Variants in SOX13 observed in about 807,000 individuals in gnomAD.
The protein encoded by SOX13 is transcription factor SOX-13.
SOX13 carries 28 observed loss-of-function variants against 71.8 expected under a neutral mutation model. That is an observed-to-expected ratio of 0.39 (90% CI 0.29 to 0.53). The LOEUF (loss-of-function observed/expected upper bound fraction) is 0.53. SOX13 is among the 20% of genes least tolerant of loss of function. The probability of loss-of-function intolerance (pLI) is 0.70; values close to 1 mark genes in which losing one functional copy is unlikely to be tolerated. For missense variants in SOX13, 627 were observed against 810.3 expected (o/e 0.77, Z 2.75); for synonymous variants, 309 against 317.8 (o/e 0.97, Z 0.29).
In SOX13 at chr1:204,080,992, A is replaced by C. The variant is rs143272996; in HGVS notation, c.-2+7281A>C. Among the ~76,000 whole-genome samples the C allele has an allele frequency of 4.1e-3, 628 of 151,450 alleles. 5 individuals carry two copies. Among genetic ancestry groups the C allele is most frequent in the African/African-American group, 0.015 (598 of 41,186 alleles). ...AATGGTGCCATCTCAGCTCACCGCA[A>C]CATCCGCCTCCCAGGTTCAAGCAAT... On this transcript the variant is annotated intron_variant, in intron 1 of 13. Transcript: ENST00000367204.
At chr1:204,091,513 G>A (rs1266537220) in intron 1 of SOX13, among the ~76,000 whole-genome samples, 1 of 152,186 alleles carries the variant, frequency 6.6e-6, no homozygotes, top group African/African-American at 2.4e-5. Context: ...AAGGCTAGGG[G>A]TGAGGGGATC....
At chr1:204,095,973 T>C (rs891239225) in intron 1 of SOX13, among the ~76,000 whole-genome samples, 1 of 152,190 alleles carries the variant, frequency 6.6e-6, no homozygotes, top group African/African-American at 2.4e-5. Flanking sequence ...TCTTCAATAT[T>C]TGTCTACATC....
chr1:204,114,759 G>A lies in SOX13; in HGVS notation c.418+154G>A, dbSNP rs1277123397. On this transcript the variant is annotated intron_variant, in intron 4 of 13. Coordinates refer to ENST00000367204, the MANE Select transcript of SOX13 (RefSeq NM_005686.3). The stretch of plus-strand genomic sequence containing the variant: ...GCCTTAGGGGTCATCACCATCCCTC[G>A]CCTGGAGGCCCCAAGCATTAGGTCT... 2.0e-5 allele frequency among the ~76,000 whole-genome samples: 3 copies of A among 152,064 alleles called. No individual in the cohort carries two copies. In the South Asian group the frequency reaches 6.2e-4, roughly 32 times the overall value.
chr1:204,112,963 T>A lies in SOX13; in HGVS notation c.48T>A (p.Val16=). 1 of 1,613,744 alleles carries A rather than the reference T, an allele frequency of 6.2e-7. No individual in the cohort carries two copies. The highest frequency in any genetic ancestry group is 8.5e-7 in the Non-Finnish European group (1 of 1,179,872). Residue 16 remains valine (V), a synonymous_variant, in exon 2 of 14, where the codon GTT becomes GTA. Coordinates refer to ENST00000367204, the MANE Select transcript of SOX13 (RefSeq NM_005686.3). ...CTGCCCAGCTGGCCCTGGATGGCGT[T>A]GGCACCATGGTGAACTGCACCATCA... ...PISAQLALDG[V]GTMVNCTIKS...
At chr1:204,095,642 TG>T (rs1656238042) in intron 1 of SOX13, among the ~76,000 whole-genome samples, 1 of 152,194 alleles carries the variant, frequency 6.6e-6, no homozygotes, top group African/African-American at 2.4e-5. Flanking sequence ...AGCAGTTTTT[TG>T]TTCTCTCCAT....
chr1:204,121,290 A>G (rs555857366), intron 7 of SOX13, among the ~76,000 whole-genome samples: 128 of 152,148 alleles, frequency 8.4e-4, no homozygotes, highest in Non-Finnish European at 1.5e-3. Context: ...CCTGGCTTCA[A>G]TTCTTAATAA....
chr1:204,116,162 CCGAT>C, intron 4 of SOX13: 17 of 1,255,632 alleles, frequency 1.4e-5, no homozygotes, highest in Admixed American at 5.8e-5. Flanking sequence ...CTGGATCCCT[CCGAT>C]GGGATGGTTG....
intron 1 of SOX13, among the ~76,000 whole-genome samples, chr1:204,091,357 G>A (rs1427044986): frequency 1.3e-5 from 2 of 152,190 alleles, no homozygotes; most frequent in Non-Finnish European, 2.9e-5. Flanking sequence ...TTTCCAGCAT[G>A]AGCATGCTTA....
At chr1:204,116,911 C>T (rs942365106) in intron 5 of SOX13, among the ~76,000 whole-genome samples, 2 of 152,176 alleles carry the variant, frequency 1.3e-5, no homozygotes, top group African/African-American at 4.8e-5. Context: ...GAGCAGCTTG[C>T]AGCTTCCTGC....
At chr1:204,100,996 A>T (rs1236902270) in intron 1 of SOX13, among the ~76,000 whole-genome samples, 1 of 152,196 alleles carries the variant, frequency 6.6e-6, no homozygotes, top group Non-Finnish European at 1.5e-5. Flanking sequence ...TGAATCTCTT[A>T]GGGAGCCCCT....
chr1:204,110,274 C>T (rs1331161140), intron 1 of SOX13, among the ~76,000 whole-genome samples: 1 of 151,450 alleles, frequency 6.6e-6, no homozygotes, highest in East Asian at 2.0e-4. Flanking sequence ...ACTATAGGCG[C>T]ATGCCACCAT....
chr1:204,089,957 C>T (rs1656107548), intron 1 of SOX13, among the ~76,000 whole-genome samples: 2 of 152,178 alleles, frequency 1.3e-5, no homozygotes, highest in African/African-American at 4.8e-5. Flanking sequence ...GGCCATGGTG[C>T]CAGAGGGCAG....
chr1:204,111,947 T>A (rs2102252474), intron 1 of SOX13, among the ~76,000 whole-genome samples: 1 of 152,334 alleles, frequency 6.6e-6, no homozygotes, highest in African/African-American at 2.4e-5. Flanking sequence ...GAAGAATATA[T>A]GTCTTATATA....
At chr1:204,095,220 C>T (rs764611714) in intron 1 of SOX13, among the ~76,000 whole-genome samples, 1 of 152,210 alleles carries the variant, frequency 6.6e-6, no homozygotes, top group Admixed American at 6.5e-5. Context: ...CTAAGATGGA[C>T]ATCCGAGGGG....
At chr1:204,113,198 C>G in intron 2 of SOX13, 64 bp downstream of exon 2, 1 of 1,318,528 alleles carries the variant, frequency 7.6e-7, no homozygotes, top group Non-Finnish European at 1.0e-6. Context: ...CTCTGCTCGG[C>G]TGGGCAGGCC....
At chr1:204,103,075 C>G (rs1656392765) in intron 1 of SOX13, among the ~76,000 whole-genome samples, 1 of 152,222 alleles carries the variant, frequency 6.6e-6, no homozygotes, top group South Asian at 2.1e-4. Context: ...TTTCTCCTTA[C>G]CTCCTTCCCT....
chr1:204,075,317 C>G (rs1244580173), intron 1 of SOX13, among the ~76,000 whole-genome samples: 3 of 152,084 alleles, frequency 2.0e-5, no homozygotes, highest in East Asian at 3.9e-4. Flanking sequence ...CTCCCGCTCT[C>G]CCTCTCCCCC....
chr1:204,080,232 C>A (rs903869785), intron 1 of SOX13, among the ~76,000 whole-genome samples: 1 of 152,180 alleles, frequency 6.6e-6, no homozygotes, highest in South Asian at 2.1e-4. Flanking sequence ...CAGCGGTGGC[C>A]TTAGCATTTA....
chr1:204,101,708 T>C (rs1656364838), intron 1 of SOX13, among the ~76,000 whole-genome samples: 1 of 152,122 alleles, frequency 6.6e-6, no homozygotes, highest in Admixed American at 6.6e-5. Flanking sequence ...AGGTAGGTAT[T>C]GTTAGCCCCC....
Sources: allele counts gnomAD v4.1 joint callset (sites outside exome capture counted in the v4.1 genomes callset), GRCh38; gene constraint gnomAD v4.1.1; transcripts MANE v1.5; gene names NCBI Gene and HGNC (gene_info 2026-07-23, HGNC 2026-07-21).